Variants in SLC38A11 observed in about 807,000 individuals in gnomAD.
SLC38A11 encodes the protein putative sodium-coupled neutral amino acid transporter 11.
Under a neutral mutation model 49.4 loss-of-function variants are expected in SLC38A11, and 51 were observed. The observed-to-expected ratio is 1.03, with a 90% CI of 0.83 to 1.30. The LOEUF (loss-of-function observed/expected upper bound fraction) is 1.30, where lower values mean the gene tolerates loss of function less well. Ranked by LOEUF, SLC38A11 falls within the 50% of genes most tolerant of loss-of-function variation. The probability of loss-of-function intolerance (pLI) is 0.00; values close to 1 mark genes in which losing one functional copy is unlikely to be tolerated. For synonymous variants in SLC38A11, 203 were observed against 192.9 expected (o/e 1.05, Z -0.43); for missense variants, 574 against 556.2 (o/e 1.03, Z -0.32).
At chr2:164,933,662 G>A (rs772446510) in intron 7 of SLC38A11, among the ~76,000 whole-genome samples, 1 of 151,930 alleles carries the variant, frequency 6.6e-6, no homozygotes, top group Non-Finnish European at 1.5e-5. Flanking sequence ...AAAACCACAG[G>A]TTTTCTGATC....
rs189262134 is a variant in SLC38A11 at position 164,952,001 on chromosome 2, G to A, written c.229+706C>T. Among the ~76,000 whole-genome samples, 113 of 152,196 alleles carry A rather than the reference G, an allele frequency of 7.4e-4. 1 individual carries two copies. Among genetic ancestry groups the A allele is most frequent in the Non-Finnish European group, 7.4e-5 (5 of 68,008 alleles). ...GATCATTGCCACCACCTCTTTCACA[G>A]TGATCCTAAGGTAGAGGAGACGCCA... On this transcript the variant is annotated intron_variant, in intron 3 of 11. Transcript: ENST00000685975.
At position 164,895,085 on chromosome 2, in the gene SLC38A11, C is replaced by A. The variant is rs1441271819; in HGVS notation, c.*3352G>T. Among the ~76,000 whole-genome samples, 1 of 152,146 alleles carries A rather than the reference C, an allele frequency of 6.6e-6. No homozygotes were observed. Among genetic ancestry groups the A allele is most frequent in the Non-Finnish European group, 1.5e-5 (1 of 68,026 alleles). The stretch of plus-strand genomic sequence containing the variant: ...CAGAAACTGTGGGGGTGAAGCCCAG[C>A]AATCTGTGTTTCAACAAGGCCTCCA... On this transcript the variant is annotated 3_prime_UTR_variant, in exon 12 of 12. Coordinates refer to ENST00000685975, the MANE Select transcript of SLC38A11 (RefSeq NM_001351537.2).
chr2:164,906,594 G>A (rs780200178), intron 11 of SLC38A11, among the ~76,000 whole-genome samples: 9 of 151,926 alleles, frequency 5.9e-5, no homozygotes, highest in East Asian at 3.9e-4. Context: ...TTAAGTCAGC[G>A]CATTAATGTA....
At position 164,896,265 on chromosome 2, in the gene SLC38A11, T is replaced by C. The variant is rs1684374016; in HGVS notation, c.*2172A>G. 1 of 151,916 alleles carries C rather than the reference T, an allele frequency of 6.6e-6. No individual in the cohort carries two copies. The highest frequency in any genetic ancestry group is 6.6e-5 in the Admixed American group (1 of 15,242). 9.4% of individuals were successfully genotyped at this position (151,916 alleles called of 1,614,324 possible). The stretch of plus-strand genomic sequence containing the variant: ...GCTAATAACTGGGTCATAAGCAGTC[T>C]TGTTCTACAGCTGATTAAAAATAAA... On this transcript the variant is annotated 3_prime_UTR_variant, in exon 12 of 12. Transcript: ENST00000685975.
At chr2:164,946,587 T>A (rs2105512289) in intron 3 of SLC38A11, among the ~76,000 whole-genome samples, 1 of 149,816 alleles carries the variant, frequency 6.7e-6, no homozygotes, top group South Asian at 2.1e-4. Flanking sequence ...AAAAAAAAAT[T>A]TGCATTTTAA....
intron 7 of SLC38A11, among the ~76,000 whole-genome samples, chr2:164,917,145 T>C (rs1475418846): frequency 1.3e-5 from 2 of 152,126 alleles, no homozygotes; most frequent in Non-Finnish European, 2.9e-5. Flanking sequence ...AGGGAAGGCT[T>C]GAGTAAGACT....
In SLC38A11 at chr2:164,915,922, C is replaced by T. The variant is rs144572480; in HGVS notation, c.669G>A (p.Ala223=). The stretch of plus-strand genomic sequence containing the variant: ...ACTCACCAAAAGACATAACCCCGAC[C>T]GCTTGAATGGCATTGGGCTTTGCAA... ...WVFAKPNAIQ[A]VGVMSFAFIC... The change falls in exon 8 of 12, where the codon GCG becomes GCA. Residue 223 remains alanine (A), a synonymous_variant. Transcript: ENST00000685975. 1,333 of 1,602,376 alleles carry T rather than the reference C, an allele frequency of 8.3e-4. 4 individuals are homozygous for T. Among genetic ancestry groups the T allele is most frequent in the Non-Finnish European group, 7.6e-4 (896 of 1,171,400 alleles).
chr2:164,897,021 C>T lies in SLC38A11; in HGVS notation c.*1416G>A, dbSNP rs1449659575. The T allele has an allele frequency of 1.3e-5, 2 of 152,158 alleles. No individual in the cohort carries two copies. Among genetic ancestry groups the T allele is most frequent in the East Asian group, 1.9e-4 (1 of 5,174 alleles). The allele number at this position is 152,158 out of a possible 1,614,324, so 9.4% of individuals were successfully genotyped here. A position where few individuals can be genotyped will look rare whatever the true frequency, so the allele number is the denominator to read the frequency against. On this transcript the variant is annotated 3_prime_UTR_variant, in exon 12 of 12. Coordinates refer to ENST00000685975, the MANE Select transcript of SLC38A11 (RefSeq NM_001351537.2). Reference sequence around the variant, plus strand: ...ACAGATGGACAACCTGATTGGAATACAAATGAAATGAAAATCTTAGGTGAT... The same window carrying T: ...ACAGATGGACAACCTGATTGGAATATAAATGAAATGAAAATCTTAGGTGAT...
intron 11 of SLC38A11, among the ~76,000 whole-genome samples, chr2:164,905,265 G>A (rs13029042): frequency 0.33 from 49,871 of 151,710 alleles, 8,993 homozygotes; most frequent in South Asian, 0.55. Context: ...CTACAGGCAT[G>A]TGCCACCACA....
intron 7 of SLC38A11, among the ~76,000 whole-genome samples, chr2:164,923,566 AAAAC>A (rs1310343121): frequency 6.6e-6 from 1 of 152,128 alleles, no homozygotes; most frequent in African/African-American, 2.4e-5. Context: ...TTAAAAAGTA[AAAAC>A]AAACAACAAA....
At chr2:164,939,694 C>T in intron 5 of SLC38A11, 138 bp from the exon 6 acceptor site, 1 of 480,432 alleles carries the variant, frequency 2.1e-6, no homozygotes, top group East Asian at 3.3e-5. Flanking sequence ...AGTTAATACT[C>T]TCCATAAAAA....
intron 3 of SLC38A11, among the ~76,000 whole-genome samples, chr2:164,947,927 C>A (rs1424450729): frequency 6.6e-6 from 1 of 152,074 alleles, no homozygotes; most frequent in African/African-American, 2.4e-5. Context: ...CCAATCTGGC[C>A]CCCAACAAAG....
chr2:164,923,978 G>A (rs1258602442), intron 7 of SLC38A11, among the ~76,000 whole-genome samples: 1 of 152,092 alleles, frequency 6.6e-6, no homozygotes, highest in Non-Finnish European at 1.5e-5. Context: ...CACACCCAGA[G>A]GAAAATAAAT....
chr2:164,913,257 A>C (rs1350061595), intron 9 of SLC38A11, among the ~76,000 whole-genome samples: 2 of 152,012 alleles, frequency 1.3e-5, no homozygotes, highest in African/African-American at 4.8e-5. Flanking sequence ...GGTGGCAGAA[A>C]CCTGCTTCAA....
At chr2:164,899,873 C>T (rs1684546341) in intron 11 of SLC38A11, among the ~76,000 whole-genome samples, 1 of 151,988 alleles carries the variant, frequency 6.6e-6, no homozygotes, top group Admixed American at 6.6e-5. Flanking sequence ...TCATATTGTA[C>T]ATTAAATCTG....
chr2:164,908,257 T>C (rs1251830509), intron 11 of SLC38A11, among the ~76,000 whole-genome samples: 1 of 152,176 alleles, frequency 6.6e-6, no homozygotes, highest in Non-Finnish European at 1.5e-5. Flanking sequence ...TTATGTGTTA[T>C]AGTAAATGAG....
At position 164,906,497 on chromosome 2, in the gene SLC38A11, T is replaced by C. The variant is rs922091802; in HGVS notation, c.1095+2143A>G. On this transcript the variant is annotated intron_variant, in intron 11 of 11. Coordinates refer to ENST00000685975, the MANE Select transcript of SLC38A11 (RefSeq NM_001351537.2). ...GGAGGAGGGAGGAGGTGGTTAAGTATTTTTGTCTTCAAAGAGCTTACCAAT... is the reference window on the plus strand; with the variant it reads ...GGAGGAGGGAGGAGGTGGTTAAGTACTTTTGTCTTCAAAGAGCTTACCAAT... Among the ~76,000 whole-genome samples the C allele has an allele frequency of 1.1e-4, 16 of 152,288 alleles. No individual in the cohort carries two copies. The South Asian group carries it at 1.2e-3, about 12-fold the overall frequency.
intron 7 of SLC38A11, among the ~76,000 whole-genome samples, chr2:164,935,506 C>CAAAAA (rs35788781): frequency 2.9e-5 from 3 of 103,584 alleles, no homozygotes; most frequent in East Asian, 2.6e-4. Context: ...TCCATCTCTA[C>CAAAAA]AAAAAAAAAA....
intron 3 of SLC38A11, among the ~76,000 whole-genome samples, chr2:164,949,328 A>AACTTCTGCC (rs1688362990): frequency 6.6e-6 from 1 of 152,058 alleles, no homozygotes; most frequent in South Asian, 2.1e-4. Context: ...AGCTCACTGC[A>AACTTCTGCC]ACCTCTGCCT....
Sources: allele counts gnomAD v4.1 joint callset (sites outside exome capture counted in the v4.1 genomes callset), GRCh38; gene constraint gnomAD v4.1.1; transcripts MANE v1.5; gene names NCBI Gene and HGNC (gene_info 2026-07-23, HGNC 2026-07-21).